RABGAP1L: variants seen among roughly 807,000 people sequenced by gnomAD.
RABGAP1L encodes RAB GTPase activating protein 1 like.
In RABGAP1L, 63 loss-of-function variants were observed where a neutral mutation model predicts 137.7. The ratio of observed to expected loss-of-function variants is 0.46; its 90% CI spans 0.37 to 0.56. The LOEUF is 0.56. RABGAP1L is among the 20% of genes least tolerant of loss of function. The pLI, the probability that RABGAP1L is intolerant of heterozygous loss-of-function variation, is 0.00. For synonymous variants in RABGAP1L, 431 were observed against 433.7 expected (o/e 0.99, Z 0.08); for missense variants, 1,095 against 1,244.0 (o/e 0.88, Z 1.80).
At chr1:174,294,629 C>T (rs1304327606) in intron 10 of RABGAP1L, among the ~76,000 whole-genome samples, 5 of 151,974 alleles carry the variant, frequency 3.3e-5, no homozygotes, top group Admixed American at 1.3e-4. Flanking sequence ...AAAAGGATAT[C>T]GAGACTGGTA....
chr1:174,894,033 T>A (rs1156984682), intron 19 of RABGAP1L, among the ~76,000 whole-genome samples: 1 of 152,180 alleles, frequency 6.6e-6, no homozygotes, highest in Non-Finnish European at 1.5e-5. Flanking sequence ...AGGTCCCAGG[T>A]GCATTTACTG....
intron 13 of RABGAP1L, among the ~76,000 whole-genome samples, chr1:174,449,682 A>G (rs374882290): frequency 6.6e-6 from 1 of 152,194 alleles, no homozygotes; most frequent in East Asian, 1.9e-4. Flanking sequence ...ACCTTTAATC[A>G]CACTAATCTA....
chr1:174,905,808 G>A (rs773557253), intron 19 of RABGAP1L, among the ~76,000 whole-genome samples: 21 of 151,846 alleles, frequency 1.4e-4, no homozygotes, highest in Admixed American at 4.6e-4. Context: ...CTGAGATCGC[G>A]CCACTGTACT....
At chr1:174,467,398 G>T (rs988833369) in intron 13 of RABGAP1L, among the ~76,000 whole-genome samples, 1 of 147,450 alleles carries the variant, frequency 6.8e-6, no homozygotes, top group Non-Finnish European at 1.5e-5. Context: ...TTTGAGCCTA[G>T]TTAAAAAAAA....
intron 19 of RABGAP1L, among the ~76,000 whole-genome samples, chr1:174,839,838 C>G (rs1693193012): frequency 6.6e-6 from 1 of 152,024 alleles, no homozygotes; most frequent in Non-Finnish European, 1.5e-5. Context: ...TTTGAACTGC[C>G]TGGTAAAAAT....
At chr1:174,758,571 C>T (rs1448988292) in intron 18 of RABGAP1L, among the ~76,000 whole-genome samples, 3 of 152,114 alleles carry the variant, frequency 2.0e-5, no homozygotes. Context: ...TGAGTTACTT[C>T]ACTTAGGATA....
intron 13 of RABGAP1L, among the ~76,000 whole-genome samples, chr1:174,489,524 A>G (rs1660010985): frequency 1.3e-5 from 2 of 151,704 alleles, no homozygotes; most frequent in African/African-American, 4.8e-5. Context: ...AAAAGTCAGG[A>G]AACAACAGGT....
At chr1:174,749,356 G>T (rs1188611043) in intron 17 of RABGAP1L, among the ~76,000 whole-genome samples, 1 of 151,128 alleles carries the variant, frequency 6.6e-6, no homozygotes, top group East Asian at 1.9e-4. Context: ...TTTGAGACAG[G>T]GTCTCGCTGT....
At chr1:174,449,484 G>A (rs1463557251) in intron 13 of RABGAP1L, among the ~76,000 whole-genome samples, 2 of 152,180 alleles carry the variant, frequency 1.3e-5, no homozygotes, top group African/African-American at 4.8e-5. Flanking sequence ...ATCTTCTGCA[G>A]GACATGAGCA....
intron 15 of RABGAP1L, among the ~76,000 whole-genome samples, chr1:174,688,481 A>G (rs1352829737): frequency 6.6e-6 from 1 of 152,114 alleles, no homozygotes; most frequent in Non-Finnish European, 1.5e-5. Context: ...AAAAACTATG[A>G]CTAGGTACAA....
At chr1:174,456,996 A>G (rs913686825) in intron 13 of RABGAP1L, among the ~76,000 whole-genome samples, 2 of 152,166 alleles carry the variant, frequency 1.3e-5, no homozygotes, top group Admixed American at 6.5e-5. Context: ...TTGTGGTTCT[A>G]TAATAGTCCT....
intron 21 of RABGAP1L, among the ~76,000 whole-genome samples, chr1:174,972,743 A>T (rs972672404): frequency 8.0e-5 from 12 of 150,752 alleles, no homozygotes; most frequent in African/African-American, 2.7e-4. Flanking sequence ...AATCCCAGCT[A>T]CTAGGGAGGC....
At chr1:174,424,814 A>G (rs368699630) in intron 13 of RABGAP1L, among the ~76,000 whole-genome samples, 6 of 152,106 alleles carry the variant, frequency 3.9e-5, no homozygotes, top group South Asian at 2.1e-4. Flanking sequence ...TTTATATTTT[A>G]TTTGTGCACA....
At chr1:174,674,843 G>C (rs1363509818) in intron 14 of RABGAP1L, among the ~76,000 whole-genome samples, 1 of 152,226 alleles carries the variant, frequency 6.6e-6, no homozygotes, top group Non-Finnish European at 1.5e-5. Flanking sequence ...GGCCAGTGAT[G>C]ATGAGCATGT....
At chr1:174,247,709 G>A (rs1283572470) in intron 5 of RABGAP1L, among the ~76,000 whole-genome samples, 1 of 152,128 alleles carries the variant, frequency 6.6e-6, no homozygotes, top group Non-Finnish European at 1.5e-5. Context: ...AGGGTGGGAG[G>A]GCCAGCTTTT....
chr1:174,470,334 G>T (rs1488976548), intron 13 of RABGAP1L, among the ~76,000 whole-genome samples: 1 of 152,158 alleles, frequency 6.6e-6, no homozygotes, highest in Non-Finnish European at 1.5e-5. Flanking sequence ...AAATTTGTTT[G>T]TATCAGAGAA....
chr1:174,928,527 C>G (rs1369624589), intron 19 of RABGAP1L, among the ~76,000 whole-genome samples: 2 of 151,840 alleles, frequency 1.3e-5, no homozygotes, highest in African/African-American at 4.8e-5. Flanking sequence ...GGGATTATTC[C>G]AAAAGGAAAA....
intron 13 of RABGAP1L, among the ~76,000 whole-genome samples, chr1:174,446,235 A>G (rs1325617957): frequency 6.6e-6 from 1 of 152,242 alleles, no homozygotes; most frequent in East Asian, 1.9e-4. Flanking sequence ...ATAAGAGTGA[A>G]TGTAGGTGAG....
chr1:174,903,243 T>A (rs1658435002), intron 19 of RABGAP1L, among the ~76,000 whole-genome samples: 1 of 152,230 alleles, frequency 6.6e-6, no homozygotes, highest in Non-Finnish European at 1.5e-5. Context: ...CCTGGGTGCC[T>A]AAAGCTTCAA....
Sources: gnomAD v4.1 joint callset for allele counts (sites outside exome capture counted in the v4.1 genomes callset) on GRCh38, gnomAD v4.1.1 for gene constraint, MANE v1.5 for transcripts, NCBI Gene and HGNC (gene_info 2026-07-23, HGNC 2026-07-21) for gene names.